The following KRT40 variants were observed in gnomAD, a reference collection of about 807,000 sequenced individuals.
The protein encoded by KRT40 is keratin, type I cytoskeletal 40.
KRT40 carries 47 observed loss-of-function variants against 43.5 expected under a neutral mutation model. The ratio of observed to expected loss-of-function variants is 1.08; its 90% CI spans 0.86 to 1.38. The LOEUF (loss-of-function observed/expected upper bound fraction) is 1.38. KRT40 is among the 40% of genes most tolerant of loss of function. The probability of loss-of-function intolerance (pLI) is 0.00; values close to 1 mark genes in which losing one functional copy is unlikely to be tolerated. For synonymous variants in KRT40, 212 were observed against 214.0 expected, an observed-to-expected ratio of 0.99 and a Z score of 0.08; for missense variants, 573 against 523.6, an observed-to-expected ratio of 1.09 and a Z score of -0.92.
At chr17:40,985,485 A>G (rs902761838), upstream of KRT40, among the ~76,000 whole-genome samples, 5 of 152,218 alleles carry the variant, frequency 3.3e-5, no homozygotes, top group African/African-American at 4.8e-5. Context: ...TAAGAACATT[A>G]TAGGAAAAAA....
In KRT40 at chr17:40,983,086, G is replaced by A; in HGVS notation, c.490C>T (p.Leu164Phe). The A allele has an allele frequency of 6.6e-7, 1 of 1,516,288 alleles. No individual in the cohort carries two copies. The highest frequency in any genetic ancestry group is 1.1e-5 in the South Asian group (1 of 87,548). 93.9% of individuals were successfully genotyped at this position (1,516,288 alleles called of 1,614,324 possible). A position where few individuals can be genotyped will look rare whatever the true frequency, so the allele number is the denominator to read the frequency against. The change falls in exon 2 of 7, where the codon CTT (leucine) becomes TTT (phenylalanine). Residue 164 changes from leucine to phenylalanine, a missense_variant. Coordinates refer to ENST00000377755, the MANE Select transcript of KRT40 (RefSeq NM_001389244.1). ...KAENSRLAVQ[L>F]DNCKLATDDF... ...TCAGTGGCCAGTTTGCAGTTGTCAA[G>A]CTGTACAGCAAGTCTAGAATTCTCT...
intron 5 of KRT40, among the ~76,000 whole-genome samples, chr17:40,980,553 T>C (rs1470406259): frequency 6.6e-6 from 1 of 152,176 alleles, no homozygotes; most frequent in Non-Finnish European, 1.5e-5. Context: ...GCTCTGCTTC[T>C]CCCTCCCTGT....
rs954281706 is a variant in KRT40, at chr17:40,982,542, C to T, written c.531-79G>A. 5 of 1,203,274 alleles carry T rather than the reference C, an allele frequency of 4.2e-6. No homozygotes were observed. In the African/African-American group the frequency reaches 7.9e-5, roughly 19 times the overall value. The allele number at this position is 1,203,274 out of a possible 1,614,324, so 74.5% of individuals were successfully genotyped here. A position where few individuals can be genotyped will look rare whatever the true frequency, so the allele number is the denominator to read the frequency against. On this transcript the variant is annotated intron_variant, in intron 2 of 6. Coordinates refer to ENST00000377755, the MANE Select transcript of KRT40 (RefSeq NM_001389244.1). ...TGTGGGGATACATGGAGGATCGACA[C>T]ACGGACTTCAGGAAGCCATGTGCAT...
At chr17:40,985,744 A>G (rs544939561), upstream of KRT40, among the ~76,000 whole-genome samples, 132 of 152,328 alleles carry the variant, frequency 8.7e-4, no homozygotes, top group Admixed American at 2.0e-3. Flanking sequence ...GTCTCATGGT[A>G]TATTGACGCT....
chr17:40,983,697 C>A, intron 1 of KRT40, 130 bp downstream of exon 1: 2 of 842,364 alleles, frequency 2.4e-6, no homozygotes, highest in East Asian at 2.5e-5. Context: ...CGGTGCTCTC[C>A]CCTATGTATC....
chr17:40,981,148 C>G lies in KRT40; in HGVS notation c.691G>C (p.Val231Leu), dbSNP rs769287684. The change falls in exon 4 of 7, where the codon GTC becomes CTC. Residue 231 changes from valine (V) to leucine (L), a missense_variant. By Grantham distance (32) the Val-to-Leu change is conservative. Transcript: ENST00000377755. ...LCLKKNHEEE[V>L]NLLREQLGDR... The stretch of plus-strand genomic sequence containing the variant: ...CCAAGCTGTTCACGAAGCAAGTTGA[C>G]TTCCTGAAAGTGGGATGGTGTAAAG... 3 of 1,613,662 alleles carry G rather than the reference C, an allele frequency of 1.9e-6. No individual in the cohort carries two copies. The highest frequency in any genetic ancestry group is 2.5e-6 in the Non-Finnish European group (3 of 1,179,734).
In KRT40 at chr17:40,984,203, G is replaced by A. The variant is rs759494714; in HGVS notation, c.71C>T (p.Ala24Val). The change falls in exon 1 of 7, where the codon GCC becomes GTC. Residue 24 changes from alanine (A) to valine (V), a missense_variant. Coordinates refer to ENST00000377755, the MANE Select transcript of KRT40 (RefSeq NM_001389244.1). ...AGCTGTTTCCACGGAGCAGCTTGAG[G>A]CAGGTGCACAACCGGAAGCCGTGCC... ...SCGTASGCAPASSCSVETACL... is the reference protein window; with the variant it reads ...SCGTASGCAPVSSCSVETACL... 1.1e-5 allele frequency: 18 copies of A among 1,613,946 alleles called. No individual in the cohort carries two copies. The highest frequency in any genetic ancestry group is 4.0e-5 in the African/African-American group (3 of 74,902).
chr17:40,983,758 C>G, intron 1 of KRT40, 69 bp downstream of exon 1: 1 of 1,465,956 alleles, frequency 6.8e-7, no homozygotes, highest in Non-Finnish European at 9.4e-7. Flanking sequence ...TAAAACAGCC[C>G]CTTCTAGTAG....
intron 5 of KRT40, among the ~76,000 whole-genome samples, chr17:40,980,309 G>C (rs996948563): frequency 1.3e-5 from 2 of 152,212 alleles, no homozygotes; most frequent in African/African-American, 4.8e-5. Context: ...AGTGGTGCTT[G>C]ACCAGAACTG....
chr17:40,983,022 A>T (rs34812152), intron 2 of KRT40, 24 bp downstream of exon 2: 272,721 of 968,828 alleles, frequency 0.28, 44,489 homozygotes, highest in African/African-American at 0.62. Context: ...ATAAATAAAT[A>T]AAATAAAATT....
upstream of KRT40, among the ~76,000 whole-genome samples, chr17:40,986,702 A>G (rs1260881324): frequency 6.6e-6 from 1 of 151,556 alleles, no homozygotes; most frequent in African/African-American, 2.4e-5. Context: ...GGAATAGAGA[A>G]AAAGAAATAG....
upstream of KRT40, among the ~76,000 whole-genome samples, chr17:40,985,802 A>G (rs1912444839): frequency 6.6e-6 from 1 of 152,214 alleles, no homozygotes; most frequent in Non-Finnish European, 1.5e-5. Flanking sequence ...CTTCTGAAAA[A>G]TTACAAATCT....
Position 40,981,300 on chromosome 17 carries a change from C to T in KRT40, c.688-149G>A, listed in dbSNP as rs780353001. The T allele has an allele frequency of 2.8e-5, 40 of 1,436,234 alleles. No homozygotes were observed. The African/African-American group carries it at 4.9e-4, about 17-fold the overall frequency. 89.0% of individuals were successfully genotyped at this position (1,436,234 alleles called of 1,614,324 possible). A position where few individuals can be genotyped will look rare whatever the true frequency, so the allele number is the denominator to read the frequency against. ...GCCTGGGCTGAATCTCTTTTCACCA[C>T]TTAGAAGGGCCTCAGTTTCTTCGTC... On this transcript the variant is annotated intron_variant, in intron 3 of 6. Coordinates refer to ENST00000377755, the MANE Select transcript of KRT40 (RefSeq NM_001389244.1).
At chr17:40,983,203 C>T (rs1206495821) in intron 1 of KRT40, 75 bp from the exon 2 acceptor site, 3 of 632,168 alleles carry the variant, frequency 4.7e-6, no homozygotes, top group South Asian at 2.2e-5. Flanking sequence ...ACAGCTATGC[C>T]ATTAGCTATC....
chr17:40,984,152 G>C lies in KRT40; in HGVS notation c.122C>G (p.Ser41Cys), dbSNP rs1242769810. ...TACLPGTCAT[S>C]RCQTPSFLSR... ...TAGGAAGCTTGGAGTCTGACATCGGGATGTAGCACAGGTACCGGGGAGACA... is the reference window on the plus strand; with the variant it reads ...TAGGAAGCTTGGAGTCTGACATCGGCATGTAGCACAGGTACCGGGGAGACA... Residue 41 changes from serine to cysteine, a missense_variant, in exon 1 of 7, where the codon TCC (serine) becomes TGC (cysteine). Transcript: ENST00000377755. The C allele has an allele frequency of 1.2e-6, 2 of 1,614,118 alleles. No individual in the cohort carries two copies. The highest frequency in any genetic ancestry group is 2.2e-5 in the South Asian group (2 of 91,066).
Position 40,978,216 on chromosome 17 carries a change from A to G in KRT40, c.1277T>C (p.Val426Ala), listed in dbSNP as rs769865579. ...TAACATTCACAAGCAGCAGTTTTCA[A>G]CAGTGCAGATGACATAGGCTGAGCA... is the stretch of plus-strand genomic sequence containing the variant. The part of the protein sequence containing the change: ...EPCSAYVICT[V>A]ENCCL The change falls in exon 7 of 7, where the codon GTT becomes GCT. Residue 426 changes from valine (V) to alanine (A), a missense_variant. Coordinates refer to ENST00000377755, the MANE Select transcript of KRT40 (RefSeq NM_001389244.1). 6 of 1,613,724 alleles carry G rather than the reference A, an allele frequency of 3.7e-6. No homozygotes were observed. In the East Asian group the frequency reaches 6.7e-5, roughly 18 times the overall value.
chr17:40,983,691 G>T, intron 1 of KRT40, 136 bp downstream of exon 1: 1 of 789,648 alleles, frequency 1.3e-6, no homozygotes, highest in Non-Finnish European at 2.0e-6. Flanking sequence ...TCAGTCCGGT[G>T]CTCTCCCCTA....
At chr17:40,982,220 A>G in intron 3 of KRT40, 87 bp downstream of exon 3, 1 of 1,287,226 alleles carries the variant, frequency 7.8e-7, no homozygotes, top group South Asian at 2.0e-5. Flanking sequence ...CATCTGCCCA[A>G]ATTCGATTTA....
Position 40,980,998 on chromosome 17 carries a change from C to T in KRT40, c.841G>A (p.Ala281Thr). The change falls in exon 4 of 7, where the codon GCT becomes ACT. Residue 281 changes from alanine to threonine, a missense_variant. Transcript: ENST00000377755. ...TCAATCTGGGTACTGACCTGAACAG[C>T]CAACCATTCTTCAGCTTCTCTGCGA... is the stretch of plus-strand genomic sequence containing the variant. ...NNRREAEEWLAVQTEELNQQQ... is the reference protein window; with the variant it reads ...NNRREAEEWLTVQTEELNQQQ... The T allele has an allele frequency of 1.2e-6, 2 of 1,614,238 alleles. No individual in the cohort carries two copies. Among genetic ancestry groups the T allele is most frequent in the Non-Finnish European group, 1.7e-6 (2 of 1,180,052 alleles).
Sources: allele counts gnomAD v4.1 joint callset (sites outside exome capture counted in the v4.1 genomes callset), GRCh38; gene constraint gnomAD v4.1.1; transcripts MANE v1.5; gene names NCBI Gene and HGNC (gene_info 2026-07-23, HGNC 2026-07-21).